IQCM: variants seen among roughly 807,000 people sequenced by gnomAD.
IQCM encodes the protein IQ motif containing M, also known as IQ domain-containing protein M.
IQCM carries 45 observed loss-of-function variants against 57.6 expected under a neutral mutation model. That is an observed-to-expected ratio of 0.78 (90% confidence interval 0.62 to 1.00). The LOEUF is 1.00. IQCM is among the 50% of genes least tolerant of loss of function. The pLI is 0.00. For missense variants in IQCM, 468 were observed against 511.6 expected, an observed-to-expected ratio of 0.91 and a Z score of 0.82; for synonymous variants, 148 against 158.9, an observed-to-expected ratio of 0.93 and a Z score of 0.51.
chr4:149,457,606 A>G (rs996232702), intron 12 of IQCM, among the ~76,000 whole-genome samples: 2 of 152,064 alleles, frequency 1.3e-5, no homozygotes, highest in Non-Finnish European at 2.9e-5. Context: ...AAGAAAAAAA[A>G]AGACTTATCA....
intron 10 of IQCM, among the ~76,000 whole-genome samples, chr4:149,558,711 G>C (rs1333524277): frequency 2.0e-5 from 3 of 152,154 alleles, no homozygotes; most frequent in Non-Finnish European, 4.4e-5. Flanking sequence ...TGGGGGAAGA[G>C]CTTTCTCAGA....
chr4:149,414,575 C>T lies in IQCM; in HGVS notation c.1390+18821G>A, dbSNP rs565577840. On this transcript the variant is annotated intron_variant, in intron 13 of 13. Transcript: ENST00000636793. The stretch of plus-strand genomic sequence containing the variant: ...CAGAGTTTGTCCATTATAGTCCTTA[C>T]GATAAAAATTTAATACTTTCATTTT... Among the ~76,000 whole-genome samples, 22 of 151,982 alleles carry T rather than the reference C, an allele frequency of 1.4e-4. 1 individual carries two copies. The highest frequency in any genetic ancestry group is 4.1e-4 in the South Asian group (2 of 4,824).
At chr4:149,716,207 C>T (rs1764981618) in intron 5 of IQCM, among the ~76,000 whole-genome samples, 1 of 152,234 alleles carries the variant, frequency 6.6e-6, no homozygotes, top group African/African-American at 2.4e-5. Context: ...CACCGAGCTG[C>T]CTTCAGCAAC....
At chr4:149,734,519 T>C (rs1270536822) in intron 4 of IQCM, among the ~76,000 whole-genome samples, 1 of 152,140 alleles carries the variant, frequency 6.6e-6, no homozygotes, top group African/African-American at 2.4e-5. Flanking sequence ...AAAAGAAACA[T>C]AAGTAAAAAT....
chr4:149,352,556 A>T (rs1728652160), intron 13 of IQCM, among the ~76,000 whole-genome samples: 1 of 152,226 alleles, frequency 6.6e-6, no homozygotes, highest in African/African-American at 2.4e-5. Context: ...CATTATATGC[A>T]AATACTACCC....
At chr4:149,452,704 C>T (rs72724093) in intron 12 of IQCM, among the ~76,000 whole-genome samples, 23,161 of 151,346 alleles carry the variant, frequency 0.15, 2,138 homozygotes, top group South Asian at 0.33. Context: ...ATATCCATCG[C>T]CTCCCAAAGT....
intron 5 of IQCM, among the ~76,000 whole-genome samples, chr4:149,706,307 C>A (rs566902757): frequency 8.9e-4 from 135 of 151,986 alleles, no homozygotes; most frequent in Middle Eastern, 3.4e-3. Flanking sequence ...ATAAAAAAAT[C>A]TTTTAAAACC....
rs184177069 is a variant in IQCM at position 149,607,703 on chromosome 4, C to T, written c.681+13426G>A. ...TTTCTTTGTAATAAGAGTTAAGTTG[C>T]CATCAGTTTAAAATAATTGATTGTA... On this transcript the variant is annotated intron_variant, in intron 8 of 13. Transcript: ENST00000636793. 7.9e-4 allele frequency among the ~76,000 whole-genome samples: 120 copies of T among 151,920 alleles called. 1 individual carries two copies. Among genetic ancestry groups the T allele is most frequent in the African/African-American group, 2.8e-3 (117 of 41,494 alleles).
At chr4:149,662,511 T>C (rs967655946) in intron 7 of IQCM, among the ~76,000 whole-genome samples, 1 of 151,980 alleles carries the variant, frequency 6.6e-6, no homozygotes, top group Non-Finnish European at 1.5e-5. Context: ...AAGTTGGGTG[T>C]TAAAGTGCTC....
At chr4:149,486,197 C>T (rs777895437) in intron 12 of IQCM, among the ~76,000 whole-genome samples, 2 of 152,100 alleles carry the variant, frequency 1.3e-5, no homozygotes, top group Admixed American at 6.6e-5. Context: ...AGGCCCTTCT[C>T]TTCAGGGCAT....
intron 5 of IQCM, among the ~76,000 whole-genome samples, chr4:149,708,612 G>T (rs1017290605): frequency 6.6e-6 from 1 of 151,938 alleles, no homozygotes; most frequent in African/African-American, 2.4e-5. Context: ...TCCTGATTAG[G>T]ATCATTTTCC....
chr4:149,519,491 G>C (rs755549096), intron 12 of IQCM, among the ~76,000 whole-genome samples: 18 of 151,954 alleles, frequency 1.2e-4, no homozygotes, highest in Non-Finnish European at 2.1e-4. Flanking sequence ...GCGTGGTGGC[G>C]GGCGCCTGTA....
intron 5 of IQCM, among the ~76,000 whole-genome samples, chr4:149,696,665 G>A (rs1763362743): frequency 6.6e-6 from 1 of 152,094 alleles, no homozygotes; most frequent in Non-Finnish European, 1.5e-5. Flanking sequence ...AAGTTTAGAT[G>A]TCTCTTGCTT....
intron 13 of IQCM, among the ~76,000 whole-genome samples, chr4:149,388,186 C>G (rs1012768979): frequency 1.3e-5 from 2 of 151,568 alleles, no homozygotes; most frequent in African/African-American, 4.8e-5. Flanking sequence ...TTTCATTTTT[C>G]TTGGGTAGAT....
chr4:149,710,103 C>G (rs563097641), intron 5 of IQCM, among the ~76,000 whole-genome samples: 19 of 152,226 alleles, frequency 1.2e-4, no homozygotes, highest in African/African-American at 3.6e-4. Context: ...GTTATACACT[C>G]ATTTGATTTT....
intron 2 of IQCM, among the ~76,000 whole-genome samples, chr4:149,785,363 T>G (rs1430559972): frequency 2.0e-5 from 3 of 152,162 alleles, no homozygotes; most frequent in Non-Finnish European, 4.4e-5. Context: ...TAAAATCCTA[T>G]GCTAATCAAG....
intron 5 of IQCM, among the ~76,000 whole-genome samples, chr4:149,730,636 G>T (rs915553771): frequency 6.6e-6 from 1 of 152,102 alleles, no homozygotes; most frequent in African/African-American, 2.4e-5. Context: ...TTTCTCTTTT[G>T]AGTTAACACT....
intron 11 of IQCM, among the ~76,000 whole-genome samples, chr4:149,552,512 A>G (rs1749138228): frequency 6.6e-6 from 1 of 152,192 alleles, no homozygotes; most frequent in East Asian, 1.9e-4. Flanking sequence ...TAAGATATAA[A>G]TGAGATAATT....
chr4:149,536,599 G>A (rs1747319690), intron 12 of IQCM, among the ~76,000 whole-genome samples: 1 of 151,954 alleles, frequency 6.6e-6, no homozygotes, highest in Non-Finnish European at 1.5e-5. Flanking sequence ...AACATTGTAT[G>A]CATGTAGTTA....
Sources: allele counts gnomAD v4.1 joint callset (sites outside exome capture counted in the v4.1 genomes callset), GRCh38; gene constraint gnomAD v4.1.1; transcripts MANE v1.5; gene names NCBI Gene and HGNC (gene_info 2026-07-23, HGNC 2026-07-21).